CSMD1: variants seen among roughly 807,000 people sequenced by gnomAD.
CSMD1 encodes CUB and sushi domain-containing protein 1.
A neutral mutation model predicts 417.5 loss-of-function variants in CSMD1; 213 were observed. That is an observed-to-expected ratio of 0.51 (90% CI 0.46 to 0.57). The LOEUF (loss-of-function observed/expected upper bound fraction) is 0.57, where lower values mean the gene tolerates loss of function less well. Ranked by LOEUF, CSMD1 falls within the 20% of genes least tolerant of loss-of-function variation. The pLI, the probability that CSMD1 is intolerant of heterozygous loss-of-function variation, is 0.00. For synonymous variants in CSMD1, 2,862 were observed against 1,736.8 expected, an observed-to-expected ratio of 1.65 and a Z score of -16.11; for missense variants, 6,923 against 4,529.7, an observed-to-expected ratio of 1.53 and a Z score of -15.17.
At chr8:2,948,432 T>C (rs1307549275) in intron 68 of CSMD1, among the ~76,000 whole-genome samples, 4 of 151,998 alleles carry the variant, frequency 2.6e-5, no homozygotes, top group South Asian at 2.1e-4. Context: ...AAAAATCAAA[T>C]AGTACAGAAA....
intron 5 of CSMD1, among the ~76,000 whole-genome samples, chr8:3,781,731 A>T (rs1021647178): frequency 6.6e-6 from 1 of 152,194 alleles, no homozygotes; most frequent in Non-Finnish European, 1.5e-5. Flanking sequence ...GAGGGGGCCA[A>T]TATTGCCCCT....
chr8:4,979,655 T>C (rs1228861009), intron 1 of CSMD1, among the ~76,000 whole-genome samples: 4 of 152,244 alleles, frequency 2.6e-5, no homozygotes, highest in Admixed American at 6.5e-5. Context: ...TCACAAAATA[T>C]GTTGGTGTGG....
At chr8:4,116,918 T>C (rs1802186872) in intron 3 of CSMD1, among the ~76,000 whole-genome samples, 1 of 151,918 alleles carries the variant, frequency 6.6e-6, no homozygotes. Context: ...GTACTCGAAA[T>C]GTGTACCATC....
At chr8:4,656,921 A>G (rs1313618218) in intron 1 of CSMD1, among the ~76,000 whole-genome samples, 1 of 152,140 alleles carries the variant, frequency 6.6e-6, no homozygotes, top group Non-Finnish European at 1.5e-5. Flanking sequence ...GCGGCCTGAA[A>G]CACTGACAAA....
intron 3 of CSMD1, among the ~76,000 whole-genome samples, chr8:4,224,912 G>A (rs1414117153): frequency 6.6e-6 from 1 of 151,640 alleles, no homozygotes; most frequent in African/African-American, 2.4e-5. Context: ...GAGTCCAAAG[G>A]CCAGCCTTCC....
intron 3 of CSMD1, among the ~76,000 whole-genome samples, chr8:4,122,231 G>A (rs1027781217): frequency 6.6e-6 from 1 of 152,098 alleles, no homozygotes; most frequent in Admixed American, 6.5e-5. Flanking sequence ...CTTTTGTGAG[G>A]GAAGTGCAGT....
At chr8:3,906,583 TATC>T (rs1261947831) in intron 5 of CSMD1, among the ~76,000 whole-genome samples, 1 of 150,906 alleles carries the variant, frequency 6.6e-6, no homozygotes, top group African/African-American at 2.4e-5. Flanking sequence ...AGGTGTGGGA[TATC>T]ATCATAAAAG....
At chr8:4,630,630 T>C (rs1802454319) in intron 2 of CSMD1, among the ~76,000 whole-genome samples, 3 of 152,144 alleles carry the variant, frequency 2.0e-5, no homozygotes, top group South Asian at 2.1e-4. Flanking sequence ...CTAAAATCTG[T>C]AGGTAGAATA....
In CSMD1 at chr8:4,168,396, C is replaced by G. The variant is rs150548784; in HGVS notation, c.416-136297G>C. ...GGTGACAGAGTGAGACCCTTACTCT[C>G]TCTCTCAATATATATTTTACATTTA... On this transcript the variant is annotated intron_variant, in intron 3 of 69. Transcript: ENST00000635120. Among the ~76,000 whole-genome samples, 5 of 151,704 alleles carry G rather than the reference C, an allele frequency of 3.3e-5. No homozygotes were observed. In the East Asian group the frequency reaches 7.8e-4, roughly 24 times the overall value.
intron 11 of CSMD1, among the ~76,000 whole-genome samples, chr8:3,482,036 A>C (rs552761179): frequency 6.6e-6 from 1 of 152,362 alleles, no homozygotes; most frequent in South Asian, 2.1e-4. Context: ...ACTACAAAGA[A>C]ATACATGAAA....
At chr8:2,945,920 G>A (rs956364980) in intron 68 of CSMD1, among the ~76,000 whole-genome samples, 1 of 152,196 alleles carries the variant, frequency 6.6e-6, no homozygotes, top group African/African-American at 2.4e-5. Flanking sequence ...ATTTTCTAAA[G>A]AGCATTATTG....
At chr8:3,311,093 C>CATAA (rs1563258614) in intron 23 of CSMD1, among the ~76,000 whole-genome samples, 1 of 151,674 alleles carries the variant, frequency 6.6e-6, no homozygotes, top group South Asian at 2.1e-4. Context: ...ATGTAATATA[C>CATAA]CTAACTAACT....
At chr8:4,010,540 C>CT (rs1321857335) in intron 4 of CSMD1, among the ~76,000 whole-genome samples, 2 of 152,256 alleles carry the variant, frequency 1.3e-5, no homozygotes, top group African/African-American at 4.8e-5. Context: ...TCATCACCCT[C>CT]TATCTTCTCA....
At chr8:4,500,707 G>A (rs531594878) in intron 2 of CSMD1, among the ~76,000 whole-genome samples, 2 of 152,230 alleles carry the variant, frequency 1.3e-5, no homozygotes, top group South Asian at 2.1e-4. Flanking sequence ...TTCCTCTTGC[G>A]ATAAAGAATT....
At chr8:4,286,594 C>T (rs1262075740) in intron 3 of CSMD1, among the ~76,000 whole-genome samples, 1 of 152,100 alleles carries the variant, frequency 6.6e-6, no homozygotes, top group African/African-American at 2.4e-5. Flanking sequence ...CTGATAGCCT[C>T]ATCTATTAGG....
At chr8:4,691,102 C>T (rs1806738217) in intron 1 of CSMD1, among the ~76,000 whole-genome samples, 1 of 152,072 alleles carries the variant, frequency 6.6e-6, no homozygotes, top group Non-Finnish European at 1.5e-5. Context: ...GGATTTTCCC[C>T]ATCTTTATGA....
chr8:3,566,409 G>C (rs995926892), intron 10 of CSMD1, among the ~76,000 whole-genome samples: 2 of 152,056 alleles, frequency 1.3e-5, no homozygotes, highest in Non-Finnish European at 2.9e-5. Flanking sequence ...AGGACATACA[G>C]CCATCCCTTC....
chr8:4,215,966 T>A (rs952078188), intron 3 of CSMD1, among the ~76,000 whole-genome samples: 1 of 152,198 alleles, frequency 6.6e-6, no homozygotes, highest in African/African-American at 2.4e-5. Context: ...TTGGCATTTT[T>A]ATCCAGACTT....
chr8:3,558,282 G>A (rs71521875), intron 10 of CSMD1, among the ~76,000 whole-genome samples: 64 of 148,196 alleles, frequency 4.3e-4, no homozygotes, highest in Non-Finnish European at 4.6e-4. Context: ...AGTGATGAAT[G>A]GTGCCTCAAT....
Sources: gnomAD v4.1 joint callset for allele counts (sites outside exome capture counted in the v4.1 genomes callset) on GRCh38, gnomAD v4.1.1 for gene constraint, MANE v1.5 for transcripts, NCBI Gene and HGNC (gene_info 2026-07-23, HGNC 2026-07-21) for gene names.